Variants in BABAM2 observed in about 807,000 individuals in gnomAD.
BABAM2 encodes the protein BRISC and BRCA1 A complex member 2.
Under a neutral mutation model 54.7 loss-of-function variants are expected in BABAM2, and 31 were observed. The ratio of observed to expected loss-of-function variants is 0.57; its 90% confidence interval spans 0.43 to 0.77. BABAM2 has a LOEUF of 0.77. Ranked by LOEUF, BABAM2 falls within the 30% of genes least tolerant of loss-of-function variation. The pLI, the probability that BABAM2 is intolerant of heterozygous loss-of-function variation, is 0.00. For synonymous variants in BABAM2, 167 were observed against 162.9 expected (o/e 1.03, Z -0.19); for missense variants, 364 against 455.8 (o/e 0.80, Z 1.83).
intron 7 of BABAM2, among the ~76,000 whole-genome samples, chr2:28,220,273 T>G (rs1338460472): frequency 2.6e-5 from 4 of 152,176 alleles, no homozygotes; most frequent in African/African-American, 9.7e-5. Flanking sequence ...TTACTTAACC[T>G]CCCAAGCCTT....
At chr2:28,330,044 A>G (rs1356336860) in intron 11 of BABAM2, among the ~76,000 whole-genome samples, 3 of 152,238 alleles carry the variant, frequency 2.0e-5, no homozygotes, top group Non-Finnish European at 2.9e-5. Flanking sequence ...AAATCAGTAA[A>G]TGTAATTCAT....
intron 3 of BABAM2, among the ~76,000 whole-genome samples, chr2:27,957,085 G>A (rs1670144350): frequency 6.6e-6 from 1 of 152,142 alleles, no homozygotes; most frequent in Non-Finnish European, 1.5e-5. Flanking sequence ...TCATCCCAGT[G>A]TAGAGCAAAT....
chr2:28,184,879 G>A (rs753523602), intron 7 of BABAM2, among the ~76,000 whole-genome samples: 1 of 152,150 alleles, frequency 6.6e-6, no homozygotes, highest in Non-Finnish European at 1.5e-5. Context: ...ATTAGGTAAA[G>A]TGCGTATACT....
At chr2:28,176,424 G>A (rs1397607469) in intron 7 of BABAM2, among the ~76,000 whole-genome samples, 1 of 151,392 alleles carries the variant, frequency 6.6e-6, no homozygotes, top group East Asian at 2.0e-4. Flanking sequence ...ACAAAAATTA[G>A]CTGAGCATGG....
At chr2:27,984,118 T>C (rs1672224885) in intron 3 of BABAM2, among the ~76,000 whole-genome samples, 1 of 151,860 alleles carries the variant, frequency 6.6e-6, no homozygotes, top group Non-Finnish European at 1.5e-5. Flanking sequence ...CATTCTTCTA[T>C]AGCAGCAAAA....
chr2:28,195,249 A>T (rs752398101), intron 7 of BABAM2, among the ~76,000 whole-genome samples: 2 of 152,116 alleles, frequency 1.3e-5, no homozygotes, highest in African/African-American at 4.8e-5. Flanking sequence ...TGTGTCTGCA[A>T]TTTGTGCTTA....
chr2:27,903,139 G>A (rs937051298), intron 2 of BABAM2, among the ~76,000 whole-genome samples: 1 of 138,992 alleles, frequency 7.2e-6, no homozygotes, highest in African/African-American at 2.7e-5. Context: ...CTCATTTATT[G>A]AGAAGGCCAT....
chr2:28,255,716 A>G (rs972888036), intron 10 of BABAM2, among the ~76,000 whole-genome samples: 1 of 152,056 alleles, frequency 6.6e-6, no homozygotes. Context: ...CCCAGGCTGG[A>G]GTGTAGTGGT....
At chr2:28,127,703 T>C (rs913759075) in intron 6 of BABAM2, among the ~76,000 whole-genome samples, 1 of 151,614 alleles carries the variant, frequency 6.6e-6, no homozygotes, top group Admixed American at 6.6e-5. Context: ...GCAGGATGAG[T>C]GATGGCCAGC....
chr2:28,259,899 T>A (rs1684336811), intron 10 of BABAM2, among the ~76,000 whole-genome samples: 1 of 117,696 alleles, frequency 8.5e-6, no homozygotes, highest in Non-Finnish European at 1.9e-5. Flanking sequence ...AATCTACTTC[T>A]GAATTCTTTT....
At chr2:28,201,541 G>A (rs1166527087) in intron 7 of BABAM2, among the ~76,000 whole-genome samples, 1 of 152,154 alleles carries the variant, frequency 6.6e-6, no homozygotes, top group African/African-American at 2.4e-5. Flanking sequence ...GCTTGCATAA[G>A]AAGAAACCTT....
chr2:28,112,354 C>A (rs535809382), intron 6 of BABAM2, among the ~76,000 whole-genome samples: 13 of 151,586 alleles, frequency 8.6e-5, no homozygotes, highest in African/African-American at 3.1e-4. Context: ...CTATCCCTCC[C>A]CTAGCCCCCT....
chr2:27,972,664 T>C (rs973467181), intron 3 of BABAM2, among the ~76,000 whole-genome samples: 6 of 152,160 alleles, frequency 3.9e-5, no homozygotes, highest in Non-Finnish European at 8.8e-5. Flanking sequence ...AATATCTCAC[T>C]GATAACTTTT....
At chr2:28,334,784 A>C (rs1182400220) in intron 11 of BABAM2, among the ~76,000 whole-genome samples, 1 of 152,168 alleles carries the variant, frequency 6.6e-6, no homozygotes, top group Non-Finnish European at 1.5e-5. Context: ...GTCCCATGCG[A>C]GTGTGGCATC....
intron 7 of BABAM2, among the ~76,000 whole-genome samples, chr2:28,226,225 A>G (rs1309152223): frequency 6.6e-6 from 1 of 152,212 alleles, no homozygotes; most frequent in African/African-American, 2.4e-5. Flanking sequence ...GGCATTATGG[A>G]TGCAAAGATG....
chr2:28,320,383 A>C (rs1689929609), intron 11 of BABAM2, among the ~76,000 whole-genome samples: 1 of 152,222 alleles, frequency 6.6e-6, no homozygotes, highest in African/African-American at 2.4e-5. Context: ...TGTGACCTAG[A>C]AGGATGTGAC....
At chr2:27,892,217 G>C (rs570014621) in intron 1 of BABAM2, among the ~76,000 whole-genome samples, 1 of 152,214 alleles carries the variant, frequency 6.6e-6, no homozygotes, top group Non-Finnish European at 1.5e-5. Flanking sequence ...TTTTCTATTT[G>C]TCAAGTTTCT....
chr2:28,027,752 T>A (rs1306520525), intron 5 of BABAM2, among the ~76,000 whole-genome samples: 2 of 152,242 alleles, frequency 1.3e-5, no homozygotes, highest in African/African-American at 2.4e-5. Context: ...CTTTTATGAA[T>A]AATGCTGCTG....
intron 10 of BABAM2, among the ~76,000 whole-genome samples, chr2:28,277,399 C>T (rs1372741791): frequency 6.6e-6 from 1 of 152,174 alleles, no homozygotes; most frequent in East Asian, 1.9e-4. Flanking sequence ...GCCACTGTTC[C>T]CGGCCCATAA....
Sources: gnomAD v4.1 joint callset for allele counts (sites outside exome capture counted in the v4.1 genomes callset) on GRCh38, gnomAD v4.1.1 for gene constraint, MANE v1.5 for transcripts, NCBI Gene and HGNC (gene_info 2026-07-23, HGNC 2026-07-21) for gene names.